Variants in MAGI1 observed in about 807,000 individuals in gnomAD.
MAGI1 encodes the protein membrane associated guanylate kinase, WW and PDZ domain containing 1.
Under a neutral mutation model 139.9 loss-of-function variants are expected in MAGI1, and 58 were observed. The ratio of observed to expected loss-of-function variants is 0.41; its 90% confidence interval spans 0.34 to 0.52. The LOEUF (loss-of-function observed/expected upper bound fraction) is 0.52. Ranked by LOEUF, MAGI1 falls within the 20% of genes least tolerant of loss-of-function variation. The probability of loss-of-function intolerance (pLI) is 0.12; values close to 1 mark genes in which losing one functional copy is unlikely to be tolerated. For missense variants in MAGI1, 1,874 were observed against 1,901.6 expected (o/e 0.99, Z 0.27); for synonymous variants, 812 against 737.9 (o/e 1.10, Z -1.63).
In MAGI1 at chr3:65,439,819, C is replaced by T. The variant is rs532320836; in HGVS notation, c.1270+60G>A. On this transcript the variant is annotated intron_variant, in intron 9 of 22. Coordinates refer to ENST00000402939, the MANE Select transcript of MAGI1 (RefSeq NM_001033057.2). ...AGTTCTGACCACACGAGGGTGTCAG[C>T]GCTCAGATTTCACCCCATGCTCCCC... 115 of 1,600,890 alleles carry T rather than the reference C, an allele frequency of 7.2e-5. 1 individual carries two copies. The African/African-American group carries it at 1.1e-3, about 15-fold the overall frequency.
chr3:65,576,615 ATGGGCG>A (rs1256364346), intron 2 of MAGI1, among the ~76,000 whole-genome samples: 5 of 152,158 alleles, frequency 3.3e-5, no homozygotes, highest in Non-Finnish European at 5.9e-5. Flanking sequence ...ATCAAGAAAA[ATGGGCG>A]TTGTACTGCT....
At chr3:65,496,542 A>G (rs1952470336) in intron 2 of MAGI1, among the ~76,000 whole-genome samples, 1 of 152,200 alleles carries the variant, frequency 6.6e-6, no homozygotes, top group African/African-American at 2.4e-5. Context: ...TGAGTATTTT[A>G]AAGAGCTACA....
chr3:65,356,884 G>C lies in MAGI1; in HGVS notation c.3883C>G (p.Arg1295Gly), dbSNP rs1940231000. Residue 1295 changes from arginine (R) to glycine (G), a missense_variant, in exon 23 of 23, where the codon CGA (arginine) becomes GGA (glycine). This residue lies in a region of MAGI1 where 653 missense variants were observed against 644.5 expected (regional missense o/e 1.01). Coordinates refer to ENST00000402939, the MANE Select transcript of MAGI1 (RefSeq NM_001033057.2). ...TSRKPDSGAC[R>G]PKDRAPEGRR... The stretch of plus-strand genomic sequence containing the variant: ...CCCTCCGGCGCCCGGTCCTTGGGTC[G>C]GCATGCCCCGCTGTCGGGTTTCCTC... The C allele has an allele frequency of 1.2e-6, 2 of 1,614,110 alleles. No individual in the cohort carries two copies. Among genetic ancestry groups the C allele is most frequent in the Non-Finnish European group, 1.7e-6 (2 of 1,179,978 alleles).
chr3:65,617,797 C>A (rs1559725063), intron 2 of MAGI1, among the ~76,000 whole-genome samples: 1 of 152,160 alleles, frequency 6.6e-6, no homozygotes, highest in Non-Finnish European at 1.5e-5. Flanking sequence ...GAAAGAATAT[C>A]TTTTTCCATT....
intron 2 of MAGI1, among the ~76,000 whole-genome samples, chr3:65,529,847 T>C (rs1450422669): frequency 6.6e-6 from 1 of 152,172 alleles, no homozygotes; most frequent in Non-Finnish European, 1.5e-5. Context: ...AAATATAATA[T>C]ACACACAGTA....
intron 1 of MAGI1, among the ~76,000 whole-genome samples, chr3:65,870,231 C>CT (rs748483633): frequency 4.7e-4 from 69 of 145,760 alleles, no homozygotes; most frequent in South Asian, 2.0e-3. Flanking sequence ...CACTGAGATA[C>CT]TTTTTTTTTT....
intron 1 of MAGI1, among the ~76,000 whole-genome samples, chr3:65,771,880 T>C (rs2037980137): frequency 6.6e-6 from 1 of 152,170 alleles, no homozygotes; most frequent in Non-Finnish European, 1.5e-5. Context: ...AATTTATGGT[T>C]TGACTATTTT....
chr3:65,742,539 C>A (rs1382881969), intron 1 of MAGI1, among the ~76,000 whole-genome samples: 1 of 152,108 alleles, frequency 6.6e-6, no homozygotes, highest in Non-Finnish European at 1.5e-5. Flanking sequence ...AAATAAAGAC[C>A]CCAGTCGCTT....
chr3:65,510,284 A>T (rs1463063668), intron 2 of MAGI1, among the ~76,000 whole-genome samples: 1 of 152,218 alleles, frequency 6.6e-6, no homozygotes, highest in African/African-American at 2.4e-5. Context: ...CTCACCAGCA[A>T]CGGAACAAAG....
rs549488025 is a variant in MAGI1, at chr3:65,892,124, C to T, written c.313+145872G>A. ...TAGAGTCTCTGAAATAGCTATTCCC[C>T]ATCCTTAATTATGTAACACATAACA... On this transcript the variant is annotated intron_variant, in intron 1 of 22. Coordinates refer to ENST00000402939, the MANE Select transcript of MAGI1 (RefSeq NM_001033057.2). Among the ~76,000 whole-genome samples the T allele has an allele frequency of 1.7e-4, 26 of 151,500 alleles. No individual in the cohort carries two copies. In the East Asian group the frequency reaches 4.1e-3, roughly 24 times the overall value.
chr3:65,519,839 C>T (rs62255324), intron 2 of MAGI1, among the ~76,000 whole-genome samples: 16,958 of 152,212 alleles, frequency 0.11, 1,196 homozygotes, highest in Middle Eastern at 0.15. Context: ...ATGTGGAGTC[C>T]AATTCCACCC....
rs1260578689 is a variant in MAGI1 at position 65,580,731 on chromosome 3, C to T, written c.430+41241G>A. ...GGGCTATCAGATTACTCAAGCACCT[C>T]TGAATGCTTAAGACTGACAAGTCGC... On this transcript the variant is annotated intron_variant, in intron 2 of 22. Transcript: ENST00000402939. 2.0e-5 allele frequency among the ~76,000 whole-genome samples: 3 copies of T among 152,306 alleles called. No homozygotes were observed. The East Asian group carries it at 5.8e-4, about 29-fold the overall frequency.
intron 1 of MAGI1, among the ~76,000 whole-genome samples, chr3:65,662,708 G>C (rs1269075906): frequency 1.3e-5 from 2 of 151,686 alleles, no homozygotes; most frequent in African/African-American, 2.4e-5. Context: ...CTCTTTTTTT[G>C]TGTCAACAGT....
rs532619198 is a variant in MAGI1, at chr3:65,778,313, C to T, written c.314-156225G>A. Among the ~76,000 whole-genome samples the T allele has an allele frequency of 3.3e-5, 5 of 151,782 alleles. 1 individual carries two copies. The highest frequency in any genetic ancestry group is 9.7e-5 in the African/African-American group (4 of 41,422). On this transcript the variant is annotated intron_variant, in intron 1 of 22. Transcript: ENST00000402939. ...GGCATGGTGGCGGGTGCCTGTAATCCCAGCTTCTTGGGAGGCTGAGGCAGG... is the reference window on the plus strand; with the variant it reads ...GGCATGGTGGCGGGTGCCTGTAATCTCAGCTTCTTGGGAGGCTGAGGCAGG...
rs12491271 is a variant in MAGI1, at chr3:65,912,851, T to C, written c.313+125145A>G. 6.5e-3 allele frequency among the ~76,000 whole-genome samples: 989 copies of C among 152,214 alleles called. 34 individuals are homozygous for C. Among genetic ancestry groups the C allele is most frequent in the Admixed American group, 0.058 (885 of 15,282 alleles). On this transcript the variant is annotated intron_variant, in intron 1 of 22. Coordinates refer to ENST00000402939, the MANE Select transcript of MAGI1 (RefSeq NM_001033057.2). ...GTGGAAAAGTTTGTCAAATACACTA[T>C]AAATAGCTACACTAGGTACAAGTCA...
chr3:65,624,029 G>C (rs2083829654), intron 1 of MAGI1, among the ~76,000 whole-genome samples: 1 of 152,100 alleles, frequency 6.6e-6, no homozygotes, highest in African/African-American at 2.4e-5. Context: ...AAAGATGTTA[G>C]ACATCATTAG....
chr3:65,643,460 A>G (rs1245296573), intron 1 of MAGI1, among the ~76,000 whole-genome samples: 1 of 152,132 alleles, frequency 6.6e-6, no homozygotes, highest in Non-Finnish European at 1.5e-5. Context: ...TATTCCTCCC[A>G]CTAAGTACAA....
chr3:65,841,617 G>A (rs918353626), intron 1 of MAGI1, among the ~76,000 whole-genome samples: 17 of 151,920 alleles, frequency 1.1e-4, no homozygotes, highest in Admixed American at 2.6e-4. Context: ...GAGTAGAGAC[G>A]AGGTTTCACC....
chr3:65,596,299 T>G (rs1208310008), intron 2 of MAGI1, among the ~76,000 whole-genome samples: 1 of 152,214 alleles, frequency 6.6e-6, no homozygotes, highest in African/African-American at 2.4e-5. Context: ...AATGCCCTCA[T>G]GCAAAAGCTT....
Sources: allele counts gnomAD v4.1 joint callset (sites outside exome capture counted in the v4.1 genomes callset), GRCh38; gene constraint gnomAD v4.1.1; regional missense constraint gnomAD v4.1.1; transcripts MANE v1.5; gene names NCBI Gene and HGNC (gene_info 2026-07-23, HGNC 2026-07-21).